Variants in CDCA2 observed in about 807,000 individuals in gnomAD.
The protein encoded by CDCA2 is cell division cycle associated 2, also known as cell division cycle-associated protein 2.
Under a neutral mutation model 67.0 loss-of-function variants are expected in CDCA2, and 44 were observed. The observed-to-expected ratio is 0.66, with a 90% CI of 0.52 to 0.84. The LOEUF (loss-of-function observed/expected upper bound fraction) is 0.84, where lower values mean the gene tolerates loss of function less well. Among genes scored for constraint, CDCA2 ranks in the 40% least tolerant of loss-of-function variants. The pLI is 0.00. For missense variants in CDCA2, 1,253 were observed against 1,203.2 expected, an observed-to-expected ratio of 1.04 and a Z score of -0.61; for synonymous variants, 447 against 418.7, an observed-to-expected ratio of 1.07 and a Z score of -0.82.
intron 5 of CDCA2, among the ~76,000 whole-genome samples, chr8:25,466,689 A>G (rs1211912905): frequency 6.6e-6 from 1 of 152,178 alleles, no homozygotes; most frequent in Non-Finnish European, 1.5e-5. Flanking sequence ...GCATTTAGTA[A>G]ATGAAATAAA....
At position 25,466,236 on chromosome 8, in the gene CDCA2, C is replaced by G. The variant is rs1316024171; in HGVS notation, c.449C>G (p.Ser150Ter). ...AGAGAACGAATATCAGCCTTCCAGT[C>G]AGCTTTTCACTCCATAAAGGAAAAC... ...TLRERISAFQSAFHSIKENEK... is the reference protein window; with the variant it reads ...TLRERISAFQ Residue 150 changes from serine (S) to a stop codon, truncating the protein, a stop_gained, in exon 5 of 15, where the codon TCA becomes TGA. Coordinates refer to ENST00000330560, the MANE Select transcript of CDCA2 (RefSeq NM_152562.4). LOFTEE classifies it high-confidence loss of function. 3 of 1,611,566 alleles carry G rather than the reference C, an allele frequency of 1.9e-6. No individual in the cohort carries two copies. The highest frequency in any genetic ancestry group is 1.7e-5 in the Admixed American group (1 of 59,144).
intron 12 of CDCA2, among the ~76,000 whole-genome samples, chr8:25,488,303 T>C (rs1322650831): frequency 6.6e-6 from 1 of 152,222 alleles, no homozygotes; most frequent in African/African-American, 2.4e-5. Flanking sequence ...TTAAGCTGTT[T>C]TTTCTTTCTT....
chr8:25,491,864 C>T (rs574810359), intron 13 of CDCA2, among the ~76,000 whole-genome samples: 1 of 152,278 alleles, frequency 6.6e-6, no homozygotes, highest in South Asian at 2.1e-4. Context: ...GATGCATGAT[C>T]TTGGCTCACC....
At chr8:25,490,203 G>A (rs1803947340) in intron 13 of CDCA2, among the ~76,000 whole-genome samples, 1 of 151,900 alleles carries the variant, frequency 6.6e-6, no homozygotes. Flanking sequence ...TTTCCTTCGT[G>A]TGTGTGTGTA....
At chr8:25,478,214 G>A (rs973148642) in intron 7 of CDCA2, among the ~76,000 whole-genome samples, 5 of 152,104 alleles carry the variant, frequency 3.3e-5, no homozygotes, top group Non-Finnish European at 5.9e-5. Context: ...ACAGATGTGA[G>A]CCACTGCACC....
At chr8:25,462,015 C>T (rs1188354736) in intron 3 of CDCA2, 39 bp from the exon 4 acceptor site, 12 of 1,588,740 alleles carry the variant, frequency 7.6e-6, no homozygotes, top group Non-Finnish European at 1.0e-5. Flanking sequence ...CTGATGATTG[C>T]CTTGTTTTGT....
chr8:25,496,532 AC>A (rs1804229437), intron 13 of CDCA2, among the ~76,000 whole-genome samples: 1 of 152,198 alleles, frequency 6.6e-6, no homozygotes, highest in Admixed American at 6.5e-5. Context: ...AGATACTGTA[AC>A]TACAAACCAT....
Position 25,469,862 on chromosome 8 carries a change from A to G in CDCA2, c.736-34A>G, listed in dbSNP as rs1421245754. The stretch of plus-strand genomic sequence containing the variant: ...AAAGGCATTAGTAGTACTCTAATTA[A>G]TAAAATGTAATACTCTTTCAATTTT... On this transcript the variant is annotated intron_variant, in intron 6 of 14. Coordinates refer to ENST00000330560, the MANE Select transcript of CDCA2 (RefSeq NM_152562.4). 3.6e-6 allele frequency: 5 copies of G among 1,407,658 alleles called. No individual in the cohort carries two copies. The Admixed American group carries it at 6.9e-5, about 19-fold the overall frequency. 87.2% of individuals were successfully genotyped at this position (1,407,658 alleles called of 1,614,324 possible).
At chr8:25,487,466 G>A (rs969812280) in intron 12 of CDCA2, 132 bp downstream of exon 12, 3 of 640,912 alleles carry the variant, frequency 4.7e-6, no homozygotes, top group Admixed American at 3.1e-5. Flanking sequence ...CTTTGGCCAG[G>A]CACCGTGGTT....
At chr8:25,480,406 CAT>C (rs939390694) in intron 8 of CDCA2, among the ~76,000 whole-genome samples, 6 of 151,978 alleles carry the variant, frequency 3.9e-5, no homozygotes, top group African/African-American at 1.2e-4. Flanking sequence ...ATTGCACTAA[CAT>C]AATTATATGT....
intron 4 of CDCA2, among the ~76,000 whole-genome samples, chr8:25,462,974 G>A (rs772262707): frequency 1.3e-5 from 2 of 152,182 alleles, no homozygotes; most frequent in African/African-American, 2.4e-5. Context: ...CAACCCAAAC[G>A]AGGGTATTTT....
At chr8:25,486,375 G>T (rs1395822872) in intron 11 of CDCA2, among the ~76,000 whole-genome samples, 3 of 152,156 alleles carry the variant, frequency 2.0e-5, no homozygotes, top group African/African-American at 7.2e-5. Context: ...CCCCTTAATG[G>T]CTTCTTGTTG....
intron 13 of CDCA2, among the ~76,000 whole-genome samples, chr8:25,501,991 T>G (rs569150276): frequency 2.0e-5 from 3 of 152,206 alleles, no homozygotes; most frequent in African/African-American, 7.2e-5. Context: ...TCTGCCTCCC[T>G]GGTTCATGCA....
In CDCA2 at chr8:25,488,554, A is replaced by G. The variant is rs112064545; in HGVS notation, c.1536A>G (p.Gln512=). Residue 512 remains glutamine, a splice_region_variant and synonymous_variant, in exon 13 of 15, where the codon CAA becomes CAG. Transcript: ENST00000330560. ...RITRTSNRRN[Q]LVSVVEESVC... is the part of the protein sequence containing the mutation. Reference sequence around the variant, plus strand: ...CCTACTTTACACTTTCTTTATAGCAATTGGTCAGTGTTGTAGAAGAGAGTG... The same window carrying G: ...CCTACTTTACACTTTCTTTATAGCAGTTGGTCAGTGTTGTAGAAGAGAGTG... The G allele has an allele frequency of 5.6e-6, 9 of 1,599,574 alleles. No individual in the cohort carries two copies. Among genetic ancestry groups the G allele is most frequent in the South Asian group, 3.4e-5 (3 of 88,168 alleles).
chr8:25,490,236 C>T (rs1046137619), intron 13 of CDCA2, among the ~76,000 whole-genome samples: 1 of 151,982 alleles, frequency 6.6e-6, no homozygotes, highest in Non-Finnish European at 1.5e-5. Flanking sequence ...AGCACTCTTA[C>T]AAAGAATATA....
At chr8:25,492,458 C>A (rs978319288) in intron 13 of CDCA2, among the ~76,000 whole-genome samples, 1 of 151,970 alleles carries the variant, frequency 6.6e-6, no homozygotes, top group Non-Finnish European at 1.5e-5. Context: ...ACGGAAAAGA[C>A]CTGTGATTGA....
intron 3 of CDCA2, 113 bp downstream of exon 3, chr8:25,460,667 T>A (rs1802647443): frequency 3.6e-6 from 4 of 1,110,304 alleles, no homozygotes; most frequent in Non-Finnish European, 5.1e-6. Flanking sequence ...CTAAATTGCC[T>A]ACTCTGCAAA....
At chr8:25,487,739 C>CA (rs386412357) in intron 12 of CDCA2, among the ~76,000 whole-genome samples, 25 of 145,464 alleles carry the variant, frequency 1.7e-4, no homozygotes, top group East Asian at 1.0e-3. Flanking sequence ...GACTCCGTCT[C>CA]AAAAAAAAAA....
At chr8:25,493,021 A>C (rs955621823) in intron 13 of CDCA2, among the ~76,000 whole-genome samples, 1 of 152,160 alleles carries the variant, frequency 6.6e-6, no homozygotes, top group Non-Finnish European at 1.5e-5. Context: ...GTGGAAATGG[A>C]TGTTAGAAGC....
Sources: gnomAD v4.1 joint callset for allele counts (sites outside exome capture counted in the v4.1 genomes callset) on GRCh38, gnomAD v4.1.1 for gene constraint, MANE v1.5 for transcripts, NCBI Gene and HGNC (gene_info 2026-07-23, HGNC 2026-07-21) for gene names.